SPAG16: variants seen among roughly 807,000 people sequenced by gnomAD.
SPAG16 encodes the protein sperm associated antigen 16.
SPAG16 carries 86 observed loss-of-function variants against 80.4 expected under a neutral mutation model. The observed-to-expected ratio is 1.07, with a 90% CI of 0.90 to 1.28. The LOEUF (loss-of-function observed/expected upper bound fraction) is 1.28. Ranked by LOEUF, SPAG16 falls within the 50% of genes most tolerant of loss-of-function variation. The pLI, the probability that SPAG16 is intolerant of heterozygous loss-of-function variation, is 0.00. For synonymous variants in SPAG16, 294 were observed against 265.9 expected, an observed-to-expected ratio of 1.11 and a Z score of -1.03; for missense variants, 870 against 765.3, an observed-to-expected ratio of 1.14 and a Z score of -1.61.
At position 213,491,249 on chromosome 2, in the gene SPAG16, G is replaced by A. The variant is rs1270467516; in HGVS notation, c.1070+1159G>A. Among the ~76,000 whole-genome samples the A allele has an allele frequency of 3.3e-5, 5 of 152,252 alleles. No homozygotes were observed. The East Asian group carries it at 7.7e-4, about 23-fold the overall frequency. The stretch of plus-strand genomic sequence containing the variant: ...TTCATATGCTAGTCTTTTGATGTAA[G>A]GTCGTGACTTTTTCTTATATGTCTA... On this transcript the variant is annotated intron_variant, in intron 10 of 15. Coordinates refer to ENST00000331683, the MANE Select transcript of SPAG16 (RefSeq NM_024532.5).
chr2:213,595,946 G>A (rs1046359286), intron 10 of SPAG16, among the ~76,000 whole-genome samples: 2 of 151,932 alleles, frequency 1.3e-5, no homozygotes, highest in Non-Finnish European at 2.9e-5. Context: ...ATGTGCTTTT[G>A]TGCTTCATTA....
chr2:213,740,243 A>C (rs1242755220), intron 10 of SPAG16, among the ~76,000 whole-genome samples: 5 of 152,204 alleles, frequency 3.3e-5, no homozygotes, highest in Admixed American at 2.6e-4. Context: ...AAGAGTGGTA[A>C]AATAATCAAT....
intron 15 of SPAG16, among the ~76,000 whole-genome samples, chr2:214,293,908 C>T (rs1289368203): frequency 1.3e-5 from 2 of 152,208 alleles, no homozygotes; most frequent in Non-Finnish European, 2.9e-5. Flanking sequence ...CATAGACAGG[C>T]AGCTATGGGA....
At chr2:213,814,063 G>A (rs573948947) in intron 10 of SPAG16, among the ~76,000 whole-genome samples, 8 of 152,260 alleles carry the variant, frequency 5.3e-5, no homozygotes, top group East Asian at 3.9e-4. Flanking sequence ...CTGAAAGAGA[G>A]ATGAATTGAT....
At chr2:213,508,894 G>A (rs371398687) in intron 10 of SPAG16, among the ~76,000 whole-genome samples, 11 of 150,162 alleles carry the variant, frequency 7.3e-5, no homozygotes, top group East Asian at 5.8e-4. Context: ...TTGTGCACAT[G>A]TACCCTAAAA....
intron 13 of SPAG16, among the ~76,000 whole-genome samples, chr2:214,045,349 G>A (rs62191954): frequency 0.17 from 26,047 of 152,126 alleles, 3,063 homozygotes; most frequent in Middle Eastern, 0.28. Flanking sequence ...TCCATCACCT[G>A]TTGATTAAAA....
chr2:213,640,001 G>A (rs1165496203), intron 10 of SPAG16, among the ~76,000 whole-genome samples: 1 of 152,022 alleles, frequency 6.6e-6, no homozygotes, highest in Non-Finnish European at 1.5e-5. Context: ...AGCTCTGAAG[G>A]TCTTCCTTTT....
chr2:213,647,335 T>A (rs1220622209), intron 10 of SPAG16, among the ~76,000 whole-genome samples: 1 of 152,226 alleles, frequency 6.6e-6, no homozygotes, highest in Non-Finnish European at 1.5e-5. Context: ...AAAATTGCCA[T>A]CTACCTACTT....
At chr2:213,906,251 T>A (rs551961044) in intron 11 of SPAG16, among the ~76,000 whole-genome samples, 1 of 144,958 alleles carries the variant, frequency 6.9e-6, no homozygotes, top group African/African-American at 2.5e-5. Flanking sequence ...ACGAAAGCAA[T>A]CGCATATACA....
intron 15 of SPAG16, among the ~76,000 whole-genome samples, chr2:214,172,690 G>T (rs1423288228): frequency 5.9e-4 from 89 of 151,874 alleles, no homozygotes; most frequent in South Asian, 1.2e-3. Context: ...ACTTCCACAA[G>T]GGTTGAACTA....
chr2:214,129,749 C>T (rs548797851), intron 14 of SPAG16, among the ~76,000 whole-genome samples: 1 of 152,168 alleles, frequency 6.6e-6, no homozygotes, highest in African/African-American at 2.4e-5. Flanking sequence ...TTGATCTGGA[C>T]AACTTTTATA....
intron 10 of SPAG16, among the ~76,000 whole-genome samples, chr2:213,623,875 A>G (rs1339954743): frequency 1.3e-5 from 2 of 150,760 alleles, no homozygotes; most frequent in Admixed American, 1.3e-4. Flanking sequence ...TATACTCTTA[A>G]AGGTGAATTT....
chr2:213,307,258 G>A (rs563023345), intron 3 of SPAG16, among the ~76,000 whole-genome samples: 141 of 141,500 alleles, frequency 1.0e-3, no homozygotes, highest in African/African-American at 3.1e-3. Context: ...ACAATGTGCA[G>A]GTTAGTTACA....
At chr2:214,058,785 T>G (rs1198170850) in intron 13 of SPAG16, among the ~76,000 whole-genome samples, 11 of 152,104 alleles carry the variant, frequency 7.2e-5, no homozygotes, top group Non-Finnish European at 1.2e-4. Context: ...TAAAATACTG[T>G]ATTGAGAAAG....
chr2:213,969,937 C>T (rs1200207564), intron 12 of SPAG16, among the ~76,000 whole-genome samples: 1 of 152,138 alleles, frequency 6.6e-6, no homozygotes, highest in Non-Finnish European at 1.5e-5. Flanking sequence ...GACTGAGTAA[C>T]TTGTGAAAAA....
At chr2:214,307,417 T>G (rs1694994938) in intron 15 of SPAG16, among the ~76,000 whole-genome samples, 1 of 152,194 alleles carries the variant, frequency 6.6e-6, no homozygotes, top group Admixed American at 6.5e-5. Context: ...TGGTTCTTTC[T>G]TGTCTTCAGC....
intron 15 of SPAG16, among the ~76,000 whole-genome samples, chr2:214,222,110 CTTTTTTTTTT>C (rs10694178): frequency 8.7e-5 from 9 of 103,626 alleles, no homozygotes; most frequent in Admixed American, 1.3e-4. Flanking sequence ...CCTTGCTATT[CTTTTTTTTTT>C]TTTTTTTTTT....
chr2:213,536,686 T>C (rs1443350266), intron 10 of SPAG16, among the ~76,000 whole-genome samples: 1 of 152,200 alleles, frequency 6.6e-6, no homozygotes, highest in Non-Finnish European at 1.5e-5. Context: ...GTTTGTTTTT[T>C]TCTTGTAAAT....
Position 214,089,422 on chromosome 2 carries a change from C to A in SPAG16, c.1528-18774C>A, listed in dbSNP as rs112191701. On this transcript the variant is annotated intron_variant, in intron 13 of 15. Transcript: ENST00000331683. ...CTCAAGAAATGGTAAAGATCATGTA[C>A]AAACACTTTCATCATTCTCCTTGTT... Among the ~76,000 whole-genome samples the A allele has an allele frequency of 1.3e-5, 2 of 152,096 alleles. 1 individual carries two copies. The highest frequency in any genetic ancestry group is 4.1e-4 in the South Asian group (2 of 4,834).
Sources: gnomAD v4.1 joint callset for allele counts (sites outside exome capture counted in the v4.1 genomes callset) on GRCh38, gnomAD v4.1.1 for gene constraint, MANE v1.5 for transcripts, NCBI Gene and HGNC (gene_info 2026-07-23, HGNC 2026-07-21) for gene names.